The following MYO16 variants were observed in gnomAD, a reference collection of about 807,000 sequenced individuals.
MYO16 encodes unconventional myosin-XVI.
A neutral mutation model predicts 205.3 loss-of-function variants in MYO16; 94 were observed. The ratio of observed to expected loss-of-function variants is 0.46; its 90% CI spans 0.39 to 0.54. MYO16 has a LOEUF of 0.54. Ranked by LOEUF, MYO16 falls within the 20% of genes least tolerant of loss-of-function variation. MYO16 has a pLI of 0.00. For missense variants in MYO16, 2,315 were observed against 2,387.5 expected (o/e 0.97, Z 0.63); for synonymous variants, 988 against 954.0 (o/e 1.04, Z -0.66).
intron 21 of MYO16, among the ~76,000 whole-genome samples, chr13:109,005,345 G>A: frequency 6.6e-6 from 1 of 152,048 alleles, no homozygotes; most frequent in Non-Finnish European, 1.5e-5. Flanking sequence ...TACCATGAAG[G>A]CAGAGAGACA....
intron 12 of MYO16, among the ~76,000 whole-genome samples, chr13:108,874,186 G>A (rs1391503440): frequency 2.7e-5 from 4 of 149,154 alleles, no homozygotes; most frequent in African/African-American, 9.9e-5. Context: ...AGGTTAGAAG[G>A]GAGTAAATCC....
intron 27 of MYO16, among the ~76,000 whole-genome samples, chr13:109,072,574 A>AACACACAC (rs66755145): frequency 1.3e-3 from 195 of 149,212 alleles, no homozygotes; most frequent in African/African-American, 4.4e-3. Flanking sequence ...TGTGGCATTA[A>AACACACAC]ACACACACAC....
chr13:108,648,435 G>C (rs1880851794), intron 1 of MYO16, among the ~76,000 whole-genome samples: 1 of 152,110 alleles, frequency 6.6e-6, no homozygotes, highest in Admixed American at 6.6e-5. Context: ...AGTGCAGAGA[G>C]GACATTCAAT....
At chr13:108,754,586 T>A (rs1458067329) in intron 4 of MYO16, among the ~76,000 whole-genome samples, 1 of 152,208 alleles carries the variant, frequency 6.6e-6, no homozygotes, top group East Asian at 1.9e-4. Flanking sequence ...AAATGGTTTC[T>A]TGACCTTAAG....
At chr13:109,022,296 A>G (rs898682573) in intron 23 of MYO16, among the ~76,000 whole-genome samples, 1 of 19,510 alleles carries the variant, frequency 5.1e-5, no homozygotes, top group South Asian at 1.7e-3. Flanking sequence ...AATATAATAT[A>G]CAAATATATA....
At chr13:108,731,662 T>C (rs572325320) in intron 4 of MYO16, among the ~76,000 whole-genome samples, 1 of 152,338 alleles carries the variant, frequency 6.6e-6, no homozygotes, top group South Asian at 2.1e-4. Context: ...CAACCTAATA[T>C]ACAAAGTAAT....
intron 12 of MYO16, among the ~76,000 whole-genome samples, chr13:108,870,237 T>C (rs1284408955): frequency 1.3e-5 from 2 of 152,084 alleles, no homozygotes; most frequent in African/African-American, 4.8e-5. Context: ...TTTTGAAATA[T>C]TAAACCTACC....
intron 7 of MYO16, among the ~76,000 whole-genome samples, chr13:108,817,093 TAA>T: frequency 6.7e-6 from 1 of 148,736 alleles, no homozygotes; most frequent in Admixed American, 6.7e-5. Flanking sequence ...CCAGTGAGGA[TAA>T]AAAAAAAATA....
chr13:108,925,289 G>A (rs75611938), intron 16 of MYO16, among the ~76,000 whole-genome samples: 2,857 of 152,212 alleles, frequency 0.019, 75 homozygotes, highest in African/African-American at 0.064. Flanking sequence ...CAATTGGGGC[G>A]AGTGTCACAG....
chr13:108,526,618 T>C, the MYO16 span, among the ~76,000 whole-genome samples: 1 of 152,230 alleles, frequency 6.6e-6, no homozygotes, highest in South Asian at 2.1e-4. Flanking sequence ...ATCATTTTAA[T>C]TTAAATTATA....
At chr13:108,636,708 T>A (rs1880269698) in intron 1 of MYO16, among the ~76,000 whole-genome samples, 1 of 152,150 alleles carries the variant, frequency 6.6e-6, no homozygotes, top group South Asian at 2.1e-4. Flanking sequence ...TTTTGTTTTG[T>A]TTTTACAAAT....
At chr13:109,048,192 TGTGTGTGTGTA>T in intron 24 of MYO16, 1 of 528,758 alleles carries the variant, frequency 1.9e-6, no homozygotes, top group Admixed American at 3.2e-5. Flanking sequence ...TGTGTGTGTG[TGTGTGTGTGTA>T]TTTAGAATGA....
the MYO16 span, among the ~76,000 whole-genome samples, chr13:108,549,214 G>A: frequency 7.1e-4 from 108 of 152,294 alleles, no homozygotes; most frequent in African/African-American, 2.5e-3. Context: ...TCTTGAGATG[G>A]TGAGATTATT....
At chr13:108,875,696 A>T (rs1208034984) in intron 12 of MYO16, among the ~76,000 whole-genome samples, 1 of 152,228 alleles carries the variant, frequency 6.6e-6, no homozygotes, top group East Asian at 1.9e-4. Flanking sequence ...AATAAAATTT[A>T]AAAACCCTAG....
intron 2 of MYO16, among the ~76,000 whole-genome samples, chr13:108,678,455 C>A (rs927484837): frequency 1.3e-5 from 2 of 152,134 alleles, no homozygotes; most frequent in Non-Finnish European, 2.9e-5. Context: ...ATAACCAACA[C>A]GTCTCGGAAG....
chr13:109,050,421 G>A (rs985489962), intron 24 of MYO16, among the ~76,000 whole-genome samples: 1 of 152,078 alleles, frequency 6.6e-6, no homozygotes, highest in African/African-American at 2.4e-5. Context: ...AGGCAGTCAC[G>A]GTTTGAAACA....
At chr13:108,916,930 C>T (rs898649916) in intron 16 of MYO16, among the ~76,000 whole-genome samples, 11 of 152,112 alleles carry the variant, frequency 7.2e-5, no homozygotes, top group Admixed American at 2.6e-4. Context: ...TGTTAGATTC[C>T]CAACTCTAAC....
chr13:108,679,427 T>G (rs1358422514), intron 2 of MYO16, among the ~76,000 whole-genome samples: 1 of 152,204 alleles, frequency 6.6e-6, no homozygotes, highest in Non-Finnish European at 1.5e-5. Flanking sequence ...TTTGCTTAGT[T>G]TATACTGTTC....
At chr13:109,018,137 C>A (rs957812079) in intron 22 of MYO16, among the ~76,000 whole-genome samples, 8 of 152,198 alleles carry the variant, frequency 5.3e-5, no homozygotes, top group African/African-American at 2.4e-5. Context: ...TGGTGACCTA[C>A]AGATGGAGTT....
Sources: allele counts gnomAD v4.1 joint callset (sites outside exome capture counted in the v4.1 genomes callset), GRCh38; gene constraint gnomAD v4.1.1; transcripts MANE v1.5; gene names NCBI Gene and HGNC (gene_info 2026-07-23, HGNC 2026-07-21).